The following GRM8 variants were observed in gnomAD, a reference collection of about 807,000 sequenced individuals.
GRM8 encodes the protein glutamate metabotropic receptor 8.
A neutral mutation model predicts 87.2 loss-of-function variants in GRM8; 47 were observed. That is an observed-to-expected ratio of 0.54 (90% CI 0.43 to 0.69). GRM8 has a LOEUF of 0.69. Ranked by LOEUF, GRM8 falls within the 30% of genes least tolerant of loss-of-function variation. The probability of loss-of-function intolerance (pLI) is 0.00; values close to 1 mark genes in which losing one functional copy is unlikely to be tolerated. For missense variants in GRM8, 1,019 were observed against 1,139.2 expected (o/e 0.89, Z 1.52); for synonymous variants, 396 against 404.5 (o/e 0.98, Z 0.25).
At chr7:126,839,403 G>A (rs1464980168) in intron 6 of GRM8, among the ~76,000 whole-genome samples, 1 of 152,158 alleles carries the variant, frequency 6.6e-6, no homozygotes, top group Non-Finnish European at 1.5e-5. Flanking sequence ...GAGAAGCAGT[G>A]CTTTGGGTAA....
chr7:126,641,959 A>C (rs1399538385), intron 7 of GRM8, among the ~76,000 whole-genome samples: 1 of 152,150 alleles, frequency 6.6e-6, no homozygotes, highest in Non-Finnish European at 1.5e-5. Flanking sequence ...CAAGACTGTC[A>C]TGGGAGCTCC....
At chr7:127,071,705 T>A (rs1256075966) in intron 3 of GRM8, among the ~76,000 whole-genome samples, 2 of 152,168 alleles carry the variant, frequency 1.3e-5, no homozygotes, top group Non-Finnish European at 2.9e-5. Context: ...AAAGATAATG[T>A]GGTCTCTGAA....
intron 2 of GRM8, among the ~76,000 whole-genome samples, chr7:127,195,000 C>A (rs376464957): frequency 6.6e-6 from 1 of 151,984 alleles, no homozygotes; most frequent in East Asian, 1.9e-4. Context: ...CTAGTTTTGT[C>A]GGGCTATTTA....
chr7:126,571,362 T>C (rs1043076500), intron 8 of GRM8, among the ~76,000 whole-genome samples: 47 of 152,076 alleles, frequency 3.1e-4, no homozygotes, highest in Admixed American at 2.4e-3. Flanking sequence ...GTAATTTAGA[T>C]TTTATGAGAT....
At chr7:126,890,483 T>C (rs1217723423) in intron 6 of GRM8, among the ~76,000 whole-genome samples, 1 of 152,084 alleles carries the variant, frequency 6.6e-6, no homozygotes, top group African/African-American at 2.4e-5. Flanking sequence ...CAGAACTCTT[T>C]CCATCTGTCA....
intron 10 of GRM8, among the ~76,000 whole-genome samples, chr7:126,442,798 A>C (rs779896638): frequency 1.8e-4 from 28 of 152,022 alleles, no homozygotes; most frequent in Non-Finnish European, 4.0e-4. Context: ...TTCTATTGAG[A>C]ATTGAGAAAA....
chr7:126,990,706 C>T (rs1812575276), intron 3 of GRM8, among the ~76,000 whole-genome samples: 1 of 152,162 alleles, frequency 6.6e-6, no homozygotes. Flanking sequence ...GCCTCCATTT[C>T]TCATCTGTAA....
At chr7:126,678,777 G>A (rs1807249260) in intron 7 of GRM8, among the ~76,000 whole-genome samples, 2 of 152,130 alleles carry the variant, frequency 1.3e-5, no homozygotes, top group South Asian at 2.1e-4. Context: ...AGGAAGAGAT[G>A]GAATTTTCCA....
chr7:127,211,517 C>A (rs1301667225), intron 2 of GRM8, among the ~76,000 whole-genome samples: 1 of 152,214 alleles, frequency 6.6e-6, no homozygotes, highest in Non-Finnish European at 1.5e-5. Context: ...TTTGGCAACA[C>A]CCTCACAGAT....
At chr7:126,646,530 T>C (rs1330306199) in intron 7 of GRM8, among the ~76,000 whole-genome samples, 1 of 152,182 alleles carries the variant, frequency 6.6e-6, no homozygotes, top group Non-Finnish European at 1.5e-5. Context: ...ACAAATTGTG[T>C]CCATGTTGCC....
chr7:126,472,481 T>C (rs1027358808), intron 9 of GRM8, among the ~76,000 whole-genome samples: 2 of 152,174 alleles, frequency 1.3e-5, no homozygotes, highest in African/African-American at 2.4e-5. Context: ...TTGGGTGCCC[T>C]TAAAAGCATT....
At chr7:126,792,780 G>A (rs1029737810) in intron 6 of GRM8, among the ~76,000 whole-genome samples, 2 of 152,168 alleles carry the variant, frequency 1.3e-5, no homozygotes, top group African/African-American at 4.8e-5. Context: ...GTGACTATGG[G>A]AAACAGAAGT....
At chr7:126,823,407 A>G (rs1794478902) in intron 6 of GRM8, among the ~76,000 whole-genome samples, 1 of 152,194 alleles carries the variant, frequency 6.6e-6, no homozygotes, top group Non-Finnish European at 1.5e-5. Flanking sequence ...TACTAGAGAT[A>G]CAGAAGTGAG....
intron 2 of GRM8, among the ~76,000 whole-genome samples, chr7:127,222,074 G>C (rs1276737406): frequency 6.6e-6 from 1 of 152,204 alleles, no homozygotes; most frequent in Non-Finnish European, 1.5e-5. Context: ...TTCTTAAATG[G>C]TGAAATCTCT....
At chr7:126,957,652 C>T (rs138626428) in intron 3 of GRM8, among the ~76,000 whole-genome samples, 1 of 152,208 alleles carries the variant, frequency 6.6e-6, no homozygotes, top group African/African-American at 2.4e-5. Context: ...ACATGCCAGG[C>T]CCCTGCTGCC....
chr7:126,457,717 A>C (rs1420491214), intron 9 of GRM8, among the ~76,000 whole-genome samples: 2 of 151,276 alleles, frequency 1.3e-5, no homozygotes, highest in African/African-American at 2.4e-5. Context: ...TCTTGATATG[A>C]TTATTCATCT....
chr7:126,908,316 T>A (rs1389691518), intron 3 of GRM8, among the ~76,000 whole-genome samples: 1 of 152,146 alleles, frequency 6.6e-6, no homozygotes, highest in African/African-American at 2.4e-5. Flanking sequence ...TTGAGAAAAC[T>A]TTTGGAATGA....
rs1416920080 is a variant in GRM8 at position 126,939,625 on chromosome 7, T to C, written c.728-34942A>G. Among the ~76,000 whole-genome samples the C allele has an allele frequency of 3.3e-5, 5 of 152,324 alleles. No individual in the cohort carries two copies. In the East Asian group the frequency reaches 5.8e-4, roughly 18 times the overall value. On this transcript the variant is annotated intron_variant, in intron 3 of 10. Coordinates refer to ENST00000339582, the MANE Select transcript of GRM8 (RefSeq NM_000845.3). Reference sequence around the variant, plus strand: ...ATAAGAAAATTGTGCCTGCATGTATTTGAGACCCACTGGTTGTAGGGTAAA... The same window carrying C: ...ATAAGAAAATTGTGCCTGCATGTATCTGAGACCCACTGGTTGTAGGGTAAA...
chr7:126,931,099 A>T (rs1805718149), intron 3 of GRM8, among the ~76,000 whole-genome samples: 1 of 152,230 alleles, frequency 6.6e-6, no homozygotes, highest in African/African-American at 2.4e-5. Flanking sequence ...AGAATATCCA[A>T]GGGAAAAATG....
Sources: allele counts gnomAD v4.1 joint callset (sites outside exome capture counted in the v4.1 genomes callset), GRCh38; gene constraint gnomAD v4.1.1; transcripts MANE v1.5; gene names NCBI Gene and HGNC (gene_info 2026-07-23, HGNC 2026-07-21).